The following LAMB4 variants were observed in gnomAD, a reference collection of about 807,000 sequenced individuals.
LAMB4 encodes laminin subunit beta-4.
A neutral mutation model predicts 199.2 loss-of-function variants in LAMB4; 196 were observed. That is an observed-to-expected ratio of 0.98 (90% CI 0.88 to 1.11). LAMB4 has a LOEUF of 1.11. Ranked by LOEUF, LAMB4 falls within the 50% of genes least tolerant of loss-of-function variation. The pLI, the probability that LAMB4 is intolerant of heterozygous loss-of-function variation, is 0.00. For missense variants in LAMB4, 2,080 were observed against 2,171.2 expected (o/e 0.96, Z 0.83); for synonymous variants, 744 against 770.6 (o/e 0.97, Z 0.57).
Position 108,066,419 on chromosome 7 carries a change from T to C in LAMB4, c.2628A>G (p.Thr876=). The change falls in exon 20 of 34, where the codon ACA becomes ACG. Residue 876 remains threonine (T), a synonymous_variant. Coordinates refer to ENST00000388781, the MANE Select transcript of LAMB4 (RefSeq NM_007356.3). ...AGCCTCCACAATTGAAGCATGACCC[T>C]GTCTCAGGATCACAAAGTTCAGCAA... ...NRFAELCDPE[T]GSCFNCGGFT... is the part of the protein sequence containing the mutation. 1 of 1,614,222 alleles carries C rather than the reference T, an allele frequency of 6.2e-7. No individual in the cohort carries two copies. Among genetic ancestry groups the C allele is most frequent in the South Asian group, 1.1e-5 (1 of 91,086 alleles).
chr7:108,067,885 CATAG>C, intron 19 of LAMB4, 127 bp downstream of exon 19: 1 of 1,105,890 alleles, frequency 9.0e-7, no homozygotes, highest in South Asian at 1.4e-5. Context: ...ATTTTATGTA[CATAG>C]ATAGTCTGAA....
At chr7:108,068,259 T>C in intron 18 of LAMB4, 100 bp from the exon 19 acceptor site, 2 of 1,143,462 alleles carry the variant, frequency 1.7e-6, no homozygotes, top group Non-Finnish European at 1.2e-6. Flanking sequence ...ATTTAAGACC[T>C]CTTTAATACT....
At chr7:108,031,599 A>C (rs935262484) in intron 31 of LAMB4, among the ~76,000 whole-genome samples, 4 of 152,064 alleles carry the variant, frequency 2.6e-5, no homozygotes, top group African/African-American at 9.7e-5. Flanking sequence ...AGTATTCCTA[A>C]CAATATATAG....
chr7:108,097,551 C>A (rs2037655778), intron 11 of LAMB4, among the ~76,000 whole-genome samples: 1 of 152,100 alleles, frequency 6.6e-6, no homozygotes. Flanking sequence ...TTTGGGAGGC[C>A]GAGACGGGCG....
At chr7:108,055,003 T>C (rs1348163378) in intron 25 of LAMB4, among the ~76,000 whole-genome samples, 1 of 152,192 alleles carries the variant, frequency 6.6e-6, no homozygotes, top group Non-Finnish European at 1.5e-5. Context: ...TTTCCCTAGG[T>C]GTATCATTGA....
chr7:108,093,705 C>T (rs2037495207), intron 12 of LAMB4, among the ~76,000 whole-genome samples: 1 of 152,104 alleles, frequency 6.6e-6, no homozygotes, highest in East Asian at 1.9e-4. Context: ...ATTCTCCTCC[C>T]ACACATCTCA....
intron 11 of LAMB4, 143 bp from the exon 12 acceptor site, chr7:108,095,480 C>T (rs1053410973): frequency 2.4e-5 from 15 of 636,922 alleles, no homozygotes; most frequent in Non-Finnish European, 3.6e-5. Context: ...TGCCTGGCTG[C>T]GTGATTATTG....
chr7:108,082,560 G>T (rs925016919), intron 14 of LAMB4, among the ~76,000 whole-genome samples: 4 of 152,098 alleles, frequency 2.6e-5, no homozygotes, highest in Non-Finnish European at 5.9e-5. Flanking sequence ...GGTAATAAAT[G>T]GACTGCTAGC....
At chr7:108,025,390 T>TTCTTTCTTTCCTTTCTTTC (rs1563024601) in intron 33 of LAMB4, among the ~76,000 whole-genome samples, 9 of 56,762 alleles carry the variant, frequency 1.6e-4, no homozygotes, top group African/African-American at 1.4e-3. Flanking sequence ...TTTCTTTTCT[T>TTCTTTCTTTCCTTTCTTTC]TTCTTTCTTT....
At chr7:108,107,869 T>C in intron 5 of LAMB4, 50 bp from the exon 6 acceptor site, 1 of 1,227,828 alleles carries the variant, frequency 8.1e-7, no homozygotes, top group Non-Finnish European at 1.2e-6. Context: ...CAGATTTTAT[T>C]ATCAACTTCA....
At chr7:108,107,558 T>G in intron 6 of LAMB4, 73 bp downstream of exon 6, 1 of 1,234,128 alleles carries the variant, frequency 8.1e-7, no homozygotes, top group Non-Finnish European at 1.1e-6. Flanking sequence ...CTATCGAAAG[T>G]TTTTCATTTA....
At position 108,029,170 on chromosome 7, in the gene LAMB4, A is replaced by G. The variant is rs1206115304; in HGVS notation, c.5019T>C (p.Tyr1673=). The G allele has an allele frequency of 7.4e-6, 12 of 1,611,972 alleles. No homozygotes were observed. The highest frequency in any genetic ancestry group is 1.0e-5 in the Non-Finnish European group (12 of 1,179,564). Residue 1673 remains tyrosine (Y), a synonymous_variant, in exon 33 of 34, where the codon TAT becomes TAC. Transcript: ENST00000388781. Reference sequence around the variant, plus strand: ...TGCTTGTCTTACGTTGGAGAATAGCATATTGTTTTTTCAGCTCAACAAATT... The same window carrying G: ...TGCTTGTCTTACGTTGGAGAATAGCGTATTGTTTTTTCAGCTCAACAAATT... ...EKEFVELKKQ[Y]AILQRKTSTT...
chr7:108,091,950 T>A (rs1371463255), intron 13 of LAMB4, among the ~76,000 whole-genome samples, 174 bp from the exon 14 acceptor site: 2 of 152,118 alleles, frequency 1.3e-5, no homozygotes, highest in Non-Finnish European at 2.9e-5. Context: ...TGGTCTTGAA[T>A]AGTGAATCCA....
At position 108,123,100 on chromosome 7, in the gene LAMB4, C is replaced by G. The variant is rs779971018; in HGVS notation, c.34+31G>C. The G allele has an allele frequency of 8.8e-6, 14 of 1,586,532 alleles. No homozygotes were observed. The African/African-American group carries it at 1.5e-4, about 17-fold the overall frequency. ...ATTAAATATTTTAGGACAGCGCAAG[C>G]AGTAAATAGATTTTGACAACAAATA... On this transcript the variant is annotated intron_variant, in intron 2 of 33. Transcript: ENST00000388781.
intron 1 of LAMB4, among the ~76,000 whole-genome samples, chr7:108,124,510 G>A (rs992399292): frequency 6.6e-6 from 1 of 151,922 alleles, no homozygotes. Flanking sequence ...ATATACATAT[G>A]TATATGTGTG....
intron 3 of LAMB4, among the ~76,000 whole-genome samples, chr7:108,113,493 A>C (rs1206937487): frequency 6.6e-6 from 1 of 152,252 alleles, no homozygotes; most frequent in Non-Finnish European, 1.5e-5. Context: ...TGTTGAAGAA[A>C]GCCAAAATGC....
intron 17 of LAMB4, among the ~76,000 whole-genome samples, chr7:108,071,123 G>T (rs949875656): frequency 4.8e-5 from 7 of 146,484 alleles, no homozygotes; most frequent in African/African-American, 1.4e-4. Context: ...ATTTAAATGT[G>T]CTCAAGTCTC....
chr7:108,016,248 A>C, the LAMB4 span, among the ~76,000 whole-genome samples: 1 of 149,108 alleles, frequency 6.7e-6, no homozygotes, highest in South Asian at 2.2e-4. Context: ...AGGACGAGGG[A>C]ATTTTTCAAA....
At chr7:108,033,842 T>C (rs2035132161) in intron 31 of LAMB4, among the ~76,000 whole-genome samples, 1 of 151,764 alleles carries the variant, frequency 6.6e-6, no homozygotes, top group African/African-American at 2.4e-5. Context: ...TTGGTTTTTG[T>C]GAGCTTTTAA....
Sources: allele counts gnomAD v4.1 joint callset (sites outside exome capture counted in the v4.1 genomes callset), GRCh38; gene constraint gnomAD v4.1.1; transcripts MANE v1.5; gene names NCBI Gene and HGNC (gene_info 2026-07-23, HGNC 2026-07-21).